Variants in TCFL5 observed in about 807,000 individuals in gnomAD.
TCFL5 encodes transcription factor like 5.
In TCFL5, 9 loss-of-function variants were observed where a neutral mutation model predicts 44.3. The ratio of observed to expected loss-of-function variants is 0.20; its 90% CI spans 0.12 to 0.35. The LOEUF is 0.35. Among genes scored for constraint, TCFL5 ranks in the 10% least tolerant of loss-of-function variants. The probability of loss-of-function intolerance (pLI) is 1.00; values close to 1 mark genes in which losing one functional copy is unlikely to be tolerated. For synonymous variants in TCFL5, 319 were observed against 271.6 expected, an observed-to-expected ratio of 1.17 and a Z score of -1.72; for missense variants, 603 against 613.4, an observed-to-expected ratio of 0.98 and a Z score of 0.18.
Position 62,861,339 on chromosome 20 carries a change from G to A in TCFL5, c.332C>T (p.Pro111Leu), listed in dbSNP as rs943434352. 4 of 1,133,518 alleles carry A rather than the reference G, an allele frequency of 3.5e-6. No homozygotes were observed. The highest frequency in any genetic ancestry group is 2.5e-5 in the South Asian group (1 of 40,726). The allele number at this position is 1,133,518 out of a possible 1,614,324, so 70.2% of individuals were successfully genotyped here. The change falls in exon 1 of 6, where the codon CCG (proline) becomes CTG (leucine). Residue 111 changes from proline (P) to leucine (L), a missense_variant. By Grantham distance (98) the Pro-to-Leu change is moderately conservative. Around this residue, in one of 4 missense-constraint regions of TCFL5, gnomAD observed 540 missense variants for 478.7 expected, o/e 1.13. Transcript: ENST00000335351. This position sits in a 1 kb window ranked among gnomAD's most constrained non-coding sequence, Gnocchi z 4.0. Reference protein sequence around the residue: ...GAAPVYPVLCPSALAADAPCL... With the variant: ...GAAPVYPVLCLSALAADAPCL... ...GGGCGCGTCGGCCGCCAGCGCGGAC[G>A]GGCACAGCACGGGGTACACGGGCGC...
At chr20:62,858,768 AG>A (rs2063936472) in intron 3 of TCFL5, among the ~76,000 whole-genome samples, 3 of 85,084 alleles carry the variant, frequency 3.5e-5, no homozygotes, top group African/African-American at 1.1e-4. Flanking sequence ...GGTGTTTCCC[AG>A]GGAGGAAGGG....
In TCFL5 at chr20:62,854,176, GTCA is replaced by G; in HGVS notation, c.1239-22_1239-20del. 6.2e-7 allele frequency: 1 copy of G among 1,613,174 alleles called. No individual in the cohort carries two copies. The highest frequency in any genetic ancestry group is 2.2e-5 in the East Asian group (1 of 44,884). ...TCTGCGCCTATAGTCAAAACCCAAAGTCATCACCGAGAGAGACCGGAGCAAAAC... is the reference window on the plus strand; with the variant it reads ...TCTGCGCCTATAGTCAAAACCCAAAGTCACCGAGAGAGACCGGAGCAAAAC... On this transcript the variant is annotated intron_variant, in intron 4 of 5. Transcript: ENST00000335351.
At chr20:62,843,388 T>A (rs1425306173) in intron 5 of TCFL5, among the ~76,000 whole-genome samples, 1 of 152,100 alleles carries the variant, frequency 6.6e-6, no homozygotes, top group Non-Finnish European at 1.5e-5. Context: ...AAGATATATT[T>A]ATGAATGAAA....
chr20:62,845,558 G>T, intron 5 of TCFL5: 1 of 1,485,552 alleles, frequency 6.7e-7, no homozygotes, highest in South Asian at 1.4e-5. Flanking sequence ...CACCTTTCAG[G>T]ACAATTAAAT....
intron 1 of TCFL5, among the ~76,000 whole-genome samples, chr20:62,860,775 G>T (rs894730755): frequency 1.3e-5 from 2 of 152,180 alleles, no homozygotes; most frequent in African/African-American, 4.8e-5. Flanking sequence ...CTGCGCGCTC[G>T]GCCCCACTCC....
chr20:62,845,906 A>C, intron 5 of TCFL5: 1 of 1,525,932 alleles, frequency 6.6e-7, no homozygotes, highest in Non-Finnish European at 8.9e-7. Context: ...AATGAGTTAA[A>C]TGCTAAGGAA....
intron 3 of TCFL5, 145 bp from the exon 4 acceptor site, chr20:62,857,783 T>C (rs1568792710): frequency 2.0e-6 from 2 of 1,015,458 alleles, no homozygotes; most frequent in Admixed American, 2.9e-5. Flanking sequence ...GATGTACTAA[T>C]GCAGTTTTTC....
chr20:62,845,268 T>C (rs1424057470), intron 5 of TCFL5: 3 of 773,014 alleles, frequency 3.9e-6, no homozygotes, highest in Non-Finnish European at 4.8e-6. Flanking sequence ...ATTACAGGCA[T>C]GTACCACCAC....
chr20:62,842,157 C>A lies in TCFL5; in HGVS notation c.1381-60G>T. 4 of 1,604,150 alleles carry A rather than the reference C, an allele frequency of 2.5e-6. No homozygotes were observed. Among genetic ancestry groups the A allele is most frequent in the Non-Finnish European group, 3.4e-6 (4 of 1,174,318 alleles). Reference sequence around the variant, plus strand: ...TAACTGACATGAAAACTGCTGTCTTCCAAAGTGCAAAAGGTTCAAATTAAG... The same window carrying A: ...TAACTGACATGAAAACTGCTGTCTTACAAAGTGCAAAAGGTTCAAATTAAG... On this transcript the variant is annotated intron_variant, in intron 5 of 5. Transcript: ENST00000335351. This position sits in a 1 kb window ranked among gnomAD's most constrained non-coding sequence, Gnocchi z 4.3.
At chr20:62,856,266 A>AG (rs1209640657) in intron 4 of TCFL5, among the ~76,000 whole-genome samples, 2 of 149,558 alleles carry the variant, frequency 1.3e-5, no homozygotes, top group African/African-American at 2.5e-5. Flanking sequence ...AAAAAAAAAA[A>AG]AAAAGAAAAA....
chr20:62,860,322 A>C lies in TCFL5; in HGVS notation c.648-14T>G. 1 of 1,599,740 alleles carries C rather than the reference A, an allele frequency of 6.3e-7. No homozygotes were observed. Among genetic ancestry groups the C allele is most frequent in the Non-Finnish European group, 8.6e-7 (1 of 1,168,210 alleles). ...AGAGTTACCAAACTGCCAAGACAAA[A>C]GAAAGCCCAGAAGTGTCAGCAATAC... On this transcript the variant is annotated splice_polypyrimidine_tract_variant and intron_variant, in intron 1 of 5. Transcript: ENST00000335351.
At chr20:62,856,706 A>AG (rs544688105) in intron 4 of TCFL5, among the ~76,000 whole-genome samples, 1 of 2,446 alleles carries the variant, frequency 4.1e-4, no homozygotes, top group Non-Finnish European at 1.4e-3. Flanking sequence ...ACTCCGTCTC[A>AG]AAAAAAAAAA....
At chr20:62,855,347 G>C (rs1444886722) in intron 4 of TCFL5, among the ~76,000 whole-genome samples, 2 of 152,136 alleles carry the variant, frequency 1.3e-5, no homozygotes, top group Non-Finnish European at 2.9e-5. Flanking sequence ...TTTTTCTTTA[G>C]AGACGGGGAC....
rs1414194295 is a variant in TCFL5 at position 62,856,735 on chromosome 20, C to CA, written c.1238+659dup. 2.0e-5 allele frequency among the ~76,000 whole-genome samples: 3 copies of CA among 147,708 alleles called. No individual in the cohort carries two copies. The East Asian group carries it at 5.9e-4, about 29-fold the overall frequency. ...AAAAAAAAAAAAAAAAAGAACCAGG[C>CA]AAAACTTGCTGAACTCAAGCTGGCT... On this transcript the variant is annotated intron_variant, in intron 4 of 5. Transcript: ENST00000335351.
At chr20:62,860,451 T>C (rs2147300414) in intron 1 of TCFL5, 143 bp from the exon 2 acceptor site, 1 of 717,740 alleles carries the variant, frequency 1.4e-6, no homozygotes, top group Non-Finnish European at 2.3e-6. Flanking sequence ...AATTAGCAAC[T>C]ATCGCTGCTG....
Position 62,841,919 on chromosome 20 carries a change from T to TGC in TCFL5, c.*54_*55dup. On this transcript the variant is annotated 3_prime_UTR_variant, in exon 6 of 6. Transcript: ENST00000335351. ...CAGAGCTCCAGGGTTGCAGAAGGCGTGCACAGGTCACGAAGGAATGGCTGT... is the reference window on the plus strand; with the variant it reads ...CAGAGCTCCAGGGTTGCAGAAGGCGTGCGCACAGGTCACGAAGGAATGGCTGT... 1 of 1,558,196 alleles carries TGC rather than the reference T, an allele frequency of 6.4e-7. No individual in the cohort carries two copies. The highest frequency in any genetic ancestry group is 8.6e-7 in the Non-Finnish European group (1 of 1,160,364).
chr20:62,860,022 A>T, intron 2 of TCFL5, 103 bp downstream of exon 2: 1 of 1,183,428 alleles, frequency 8.5e-7, no homozygotes, highest in Non-Finnish European at 1.2e-6. Context: ...AAGGTTATTA[A>T]GCTCACTGAA....
At chr20:62,845,142 A>G in intron 5 of TCFL5, 2 of 971,722 alleles carry the variant, frequency 2.1e-6, no homozygotes, top group Non-Finnish European at 2.4e-6. Flanking sequence ...TTTTTTGGAT[A>G]TGGAGTTTCA....
chr20:62,845,747 C>A (rs114033412), intron 5 of TCFL5: 1 of 1,606,214 alleles, frequency 6.2e-7, no homozygotes, highest in Non-Finnish European at 8.5e-7. Flanking sequence ...CCTGCCCATG[C>A]GGAGATAACT....
Sources: gnomAD v4.1 joint callset for allele counts (sites outside exome capture counted in the v4.1 genomes callset) on GRCh38, gnomAD v4.1.1 for gene constraint, gnomAD v4.1.1 regional missense constraint, Gnocchi (gnomAD v3.1) non-coding constraint, MANE v1.5 for transcripts, NCBI Gene and HGNC (gene_info 2026-07-23, HGNC 2026-07-21) for gene names.